Variants in LRRK2 observed in about 807,000 individuals in gnomAD.
LRRK2 encodes leucine-rich repeat serine/threonine-protein kinase 2.
Under a neutral mutation model 302.6 loss-of-function variants are expected in LRRK2, and 203 were observed. That is an observed-to-expected ratio of 0.67 (90% confidence interval 0.60 to 0.75). LRRK2 has a LOEUF of 0.75. Among genes scored for constraint, LRRK2 ranks in the 30% least tolerant of loss-of-function variants. The pLI is 0.00. For synonymous variants in LRRK2, 1,066 were observed against 1,031.9 expected (o/e 1.03, Z -0.63); for missense variants, 2,830 against 2,951.0 (o/e 0.96, Z 0.95).
At chr12:40,290,731 T>C (rs1179688044) in intron 20 of LRRK2, among the ~76,000 whole-genome samples, 6 of 152,088 alleles carry the variant, frequency 3.9e-5, no homozygotes, top group Non-Finnish European at 8.8e-5. Flanking sequence ...AATTATCCTG[T>C]TAATCTCTTC....
intron 38 of LRRK2, among the ~76,000 whole-genome samples, chr12:40,327,845 C>T (rs1945597610): frequency 6.6e-6 from 1 of 152,058 alleles, no homozygotes; most frequent in African/African-American, 2.4e-5. Context: ...TAGACCACAG[C>T]AAGAGTTAAA....
chr12:40,291,540 C>T (rs906126758), intron 20 of LRRK2, among the ~76,000 whole-genome samples: 1 of 151,510 alleles, frequency 6.6e-6, no homozygotes, highest in Non-Finnish European at 1.5e-5. Context: ...TTCTGGATAA[C>T]TTTCTGGTTA....
chr12:40,269,403 A>G (rs1295339859), intron 14 of LRRK2, among the ~76,000 whole-genome samples: 1 of 152,118 alleles, frequency 6.6e-6, no homozygotes, highest in East Asian at 1.9e-4. Flanking sequence ...ATAGCTGGTG[A>G]GACATCTTGC....
chr12:40,322,011 A>G, intron 35 of LRRK2, 24 bp from the exon 36 acceptor site: 1 of 1,612,550 alleles, frequency 6.2e-7, no homozygotes, highest in Non-Finnish European at 8.5e-7. Flanking sequence ...GAAGCAGTTA[A>G]TAATTAATGG....
At position 40,369,010 on chromosome 12, in the gene LRRK2, T is replaced by G; in HGVS notation, c.*1245T>G. 1 of 151,912 alleles carries G rather than the reference T, an allele frequency of 6.6e-6. No individual in the cohort carries two copies. The highest frequency in any genetic ancestry group is 1.5e-5 in the Non-Finnish European group (1 of 67,786). The allele number at this position is 151,912 out of a possible 1,614,324, so 9.4% of individuals were successfully genotyped here. A position where few individuals can be genotyped will look rare whatever the true frequency, so the allele number is the denominator to read the frequency against. On this transcript the variant is annotated 3_prime_UTR_variant, in exon 51 of 51. Transcript: ENST00000298910. ...AGGACAACTAGTACATTTAATATTC[T>G]CAGAACTTATGGCATTTTACTATGT... is the stretch of plus-strand genomic sequence containing the variant.
At chr12:40,267,571 C>T (rs904930914) in intron 14 of LRRK2, among the ~76,000 whole-genome samples, 1 of 152,126 alleles carries the variant, frequency 6.6e-6, no homozygotes, top group Non-Finnish European at 1.5e-5. Context: ...CAAGTAAGTG[C>T]TGTGATGTGG....
chr12:40,335,252 C>A, intron 40 of LRRK2, 95 bp downstream of exon 40: 1 of 1,285,964 alleles, frequency 7.8e-7, no homozygotes, highest in Non-Finnish European at 1.1e-6. Flanking sequence ...ACACTGTGCC[C>A]CAGTAACAAT....
chr12:40,265,357 G>A (rs1478546623), intron 14 of LRRK2, among the ~76,000 whole-genome samples: 1 of 152,154 alleles, frequency 6.6e-6, no homozygotes, highest in Non-Finnish European at 1.5e-5. Context: ...CACAGCAGAG[G>A]AGATGCAGCA....
chr12:40,272,095 A>G (rs1592198723), intron 14 of LRRK2, among the ~76,000 whole-genome samples: 2 of 152,140 alleles, frequency 1.3e-5, no homozygotes, highest in Non-Finnish European at 1.5e-5. Flanking sequence ...GGAAATGCAC[A>G]CTCCTTGTTT....
intron 18 of LRRK2, among the ~76,000 whole-genome samples, chr12:40,283,250 G>C (rs1020454402): frequency 6.6e-6 from 1 of 152,104 alleles, no homozygotes; most frequent in Non-Finnish European, 1.5e-5. Flanking sequence ...TCTAGTTTTT[G>C]TGGCACCTCA....
rs1462827494 is a variant in LRRK2, at chr12:40,367,969, G to T, written c.*204G>T. The T allele has an allele frequency of 2.1e-5, 7 of 336,124 alleles. No homozygotes were observed. Among genetic ancestry groups the T allele is most frequent in the Non-Finnish European group, 3.2e-5 (6 of 188,276 alleles). The allele number at this position is 336,124 out of a possible 1,614,324, so 20.8% of individuals were successfully genotyped here. Reference sequence around the variant, plus strand: ...TTTAAAGAACTATTTAAAACACAATGTTATATTTCTTATAAATACCAGTTA... The same window carrying T: ...TTTAAAGAACTATTTAAAACACAATTTTATATTTCTTATAAATACCAGTTA... On this transcript the variant is annotated 3_prime_UTR_variant, in exon 51 of 51. Coordinates refer to ENST00000298910, the MANE Select transcript of LRRK2 (RefSeq NM_198578.4).
intron 40 of LRRK2, among the ~76,000 whole-genome samples, chr12:40,339,308 G>C (rs1042638705): frequency 3.3e-5 from 5 of 152,198 alleles, no homozygotes; most frequent in Non-Finnish European, 7.3e-5. Context: ...GACATCACAT[G>C]AAATGCTGTA....
intron 21 of LRRK2, among the ~76,000 whole-genome samples, chr12:40,294,151 CT>C (rs1001461602): frequency 1.3e-4 from 19 of 151,236 alleles, no homozygotes; most frequent in African/African-American, 4.6e-4. Flanking sequence ...ATCTATCTAT[CT>C]ATCTATCTAT....
intron 24 of LRRK2, among the ~76,000 whole-genome samples, chr12:40,298,711 G>A (rs151219680): frequency 0.011 from 1,625 of 143,512 alleles, 42 homozygotes; most frequent in African/African-American, 0.037. Context: ...GGCGGAGGTC[G>A]CAGTGAGCCG....
In LRRK2 at chr12:40,262,806, G is replaced by A. The variant is rs1007931687; in HGVS notation, c.1544-983G>A. Among the ~76,000 whole-genome samples, 3 of 152,190 alleles carry A rather than the reference G, an allele frequency of 2.0e-5. No individual in the cohort carries two copies. In the East Asian group the frequency reaches 5.8e-4, roughly 29 times the overall value. ...ACATCTTCTTAAGGTGTAATAGGCA[G>A]CCTCAGAAGTTACTGTGGTCTTGCT... is the stretch of plus-strand genomic sequence containing the variant. On this transcript the variant is annotated intron_variant, in intron 13 of 50. Coordinates refer to ENST00000298910, the MANE Select transcript of LRRK2 (RefSeq NM_198578.4).
At chr12:40,318,063 C>T (rs975367310) in intron 33 of LRRK2, among the ~76,000 whole-genome samples, 1 of 152,016 alleles carries the variant, frequency 6.6e-6, no homozygotes, top group African/African-American at 2.4e-5. Flanking sequence ...TTCCTCGTGG[C>T]ACGGTGATCA....
chr12:40,232,568 A>G, intron 3 of LRRK2, 185 bp downstream of exon 3: 1 of 557,272 alleles, frequency 1.8e-6, no homozygotes, highest in East Asian at 2.9e-5. Flanking sequence ...AGTTTGATTT[A>G]GAAAGCAAAC....
At chr12:40,293,318 T>C (rs1944235634) in intron 20 of LRRK2, among the ~76,000 whole-genome samples, 1 of 152,032 alleles carries the variant, frequency 6.6e-6, no homozygotes, top group South Asian at 2.1e-4. Flanking sequence ...GTAACAGCCA[T>C]TCTATAAATA....
chr12:40,347,777 A>G (rs1946235518), intron 42 of LRRK2, among the ~76,000 whole-genome samples: 1 of 152,162 alleles, frequency 6.6e-6, no homozygotes, highest in African/African-American at 2.4e-5. Flanking sequence ...AGCCTGGCCA[A>G]CATGGTGAAA....
Sources: gnomAD v4.1 joint callset for allele counts (sites outside exome capture counted in the v4.1 genomes callset) on GRCh38, gnomAD v4.1.1 for gene constraint, MANE v1.5 for transcripts, NCBI Gene and HGNC (gene_info 2026-07-23, HGNC 2026-07-21) for gene names.